Variants in CDH2 observed in about 807,000 individuals in gnomAD.
CDH2 encodes the protein cadherin 2, also known as cadherin-2.
A neutral mutation model predicts 92.0 loss-of-function variants in CDH2; 17 were observed. The ratio of observed to expected loss-of-function variants is 0.18; its 90% CI spans 0.13 to 0.28. The LOEUF (loss-of-function observed/expected upper bound fraction) is 0.28. Among genes scored for constraint, CDH2 ranks in the 10% least tolerant of loss-of-function variants. The pLI is 1.00. For missense variants in CDH2, 862 were observed against 1,133.1 expected, an observed-to-expected ratio of 0.76 and a Z score of 3.44; for synonymous variants, 419 against 415.9, an observed-to-expected ratio of 1.01 and a Z score of -0.09.
chr18:28,054,665 G>A (rs1363127288), intron 2 of CDH2, among the ~76,000 whole-genome samples: 1 of 152,070 alleles, frequency 6.6e-6, no homozygotes, highest in Non-Finnish European at 1.5e-5. Context: ...TCTATGACCT[G>A]GACTGTTTCC....
intron 1 of CDH2, among the ~76,000 whole-genome samples, chr18:28,174,188 C>A (rs1007149516): frequency 4.6e-5 from 7 of 151,924 alleles, no homozygotes; most frequent in African/African-American, 1.7e-4. Context: ...TCCGTATCTG[C>A]ACTAATAACC....
At chr18:27,972,368 G>A (rs995532225) in intron 14 of CDH2, among the ~76,000 whole-genome samples, 1 of 152,174 alleles carries the variant, frequency 6.6e-6, no homozygotes, top group South Asian at 2.1e-4. Context: ...CTACAGACCA[G>A]TGAGACTAAA....
intron 5 of CDH2, among the ~76,000 whole-genome samples, chr18:28,007,193 T>TATATATATATAC (rs778626652): frequency 2.5e-4 from 35 of 142,168 alleles, no homozygotes; most frequent in Middle Eastern, 3.7e-3. Flanking sequence ...TATATATATA[T>TATATATATATAC]ACGAGTATAT....
chr18:28,153,263 T>TC (rs1471513299), intron 1 of CDH2, among the ~76,000 whole-genome samples: 1 of 152,122 alleles, frequency 6.6e-6, no homozygotes, highest in African/African-American at 2.4e-5. Flanking sequence ...ACCATCCTGA[T>TC]CTTTTTTTTT....
intron 2 of CDH2, among the ~76,000 whole-genome samples, chr18:28,066,641 T>C (rs1469767714): frequency 3.9e-5 from 6 of 152,114 alleles, no homozygotes; most frequent in Non-Finnish European, 8.8e-5. Context: ...ACAACTCTAC[T>C]GTTGGAATAA....
At chr18:28,173,367 A>G (rs1057142479) in intron 1 of CDH2, among the ~76,000 whole-genome samples, 1 of 152,102 alleles carries the variant, frequency 6.6e-6, no homozygotes, top group Non-Finnish European at 1.5e-5. Context: ...CTAGTAAGTA[A>G]ACTCTGAACA....
chr18:28,003,516 A>G (rs761613556), intron 6 of CDH2, among the ~76,000 whole-genome samples: 10 of 152,176 alleles, frequency 6.6e-5, no homozygotes, highest in Admixed American at 1.3e-4. Context: ...TACCATTAGA[A>G]AAGTAATTTA....
chr18:28,020,262 G>A (rs1205001494), intron 2 of CDH2, among the ~76,000 whole-genome samples: 1 of 151,948 alleles, frequency 6.6e-6, no homozygotes, highest in South Asian at 2.1e-4. Context: ...GTGGAAAACT[G>A]TTAAGTTACA....
At chr18:28,092,564 A>C (rs1254650838) in intron 2 of CDH2, among the ~76,000 whole-genome samples, 1 of 151,968 alleles carries the variant, frequency 6.6e-6, no homozygotes, top group Non-Finnish European at 1.5e-5. Flanking sequence ...AAACAAAAGG[A>C]TGAAAAGAAT....
At chr18:27,955,761 G>GTTTTTTTTGTTTTT in intron 15 of CDH2, among the ~76,000 whole-genome samples, 1 of 111,714 alleles carries the variant, frequency 9.0e-6, no homozygotes, top group Admixed American at 9.9e-5. Flanking sequence ...CTTTATTTCT[G>GTTTTTTTTGTTTTT]TTTTTTTTTT....
intron 6 of CDH2, among the ~76,000 whole-genome samples, chr18:27,942,550 G>T (rs916045335): frequency 6.6e-6 from 1 of 152,162 alleles, no homozygotes; most frequent in African/African-American, 2.4e-5. Flanking sequence ...TTCTTCTCAA[G>T]GCACTTGAGG....
intron 1 of CDH2, among the ~76,000 whole-genome samples, chr18:28,165,651 C>T (rs1302174211): frequency 2.6e-5 from 4 of 151,304 alleles, no homozygotes; most frequent in Non-Finnish European, 5.9e-5. Flanking sequence ...CAAGTCCACA[C>T]AAAAAACAAG....
intron 2 of CDH2, among the ~76,000 whole-genome samples, chr18:28,022,057 T>C (rs569465660): frequency 1.2e-4 from 18 of 152,184 alleles, no homozygotes; most frequent in African/African-American, 4.3e-4. Flanking sequence ...AGTAAGTGTT[T>C]CACAGTGTTT....
intron 2 of CDH2, among the ~76,000 whole-genome samples, chr18:28,098,507 G>A (rs1470806346): frequency 6.6e-6 from 1 of 151,688 alleles, no homozygotes; most frequent in Non-Finnish European, 1.5e-5. Flanking sequence ...TTTAACATTG[G>A]CTGTTGATTT....
At chr18:27,944,518 C>T (rs980343938) in intron 6 of CDH2, among the ~76,000 whole-genome samples, 1 of 151,956 alleles carries the variant, frequency 6.6e-6, no homozygotes, top group Non-Finnish European at 1.5e-5. Context: ...TAACAGAATA[C>T]CTCAAAGGAT....
intron 2 of CDH2, chr18:28,045,284 G>C (rs1317699969): frequency 1.4e-5 from 5 of 366,598 alleles, no homozygotes; most frequent in Admixed American, 1.1e-4. Flanking sequence ...AACTGAGCTA[G>C]TTTGTCCTTG....
chr18:28,082,874 C>T (rs899656278), intron 2 of CDH2, among the ~76,000 whole-genome samples: 5 of 152,188 alleles, frequency 3.3e-5, no homozygotes, highest in African/African-American at 1.2e-4. Flanking sequence ...TGGTGGAAGG[C>T]TGGATTGTAC....
chr18:27,992,921 T>C, intron 8 of CDH2, 81 bp from the exon 9 acceptor site: 1 of 941,744 alleles, frequency 1.1e-6, no homozygotes, highest in Non-Finnish European at 1.6e-6. Context: ...CACCGTCCGA[T>C]TTTACTGCCC....
intron 2 of CDH2, among the ~76,000 whole-genome samples, chr18:28,029,335 C>G (rs916656589): frequency 1.3e-5 from 2 of 151,998 alleles, no homozygotes; most frequent in African/African-American, 4.8e-5. Flanking sequence ...GTAAAAATGT[C>G]TGACTTTGGG....
Sources: gnomAD v4.1 joint callset for allele counts (sites outside exome capture counted in the v4.1 genomes callset) on GRCh38, gnomAD v4.1.1 for gene constraint, MANE v1.5 for transcripts, NCBI Gene and HGNC (gene_info 2026-07-23, HGNC 2026-07-21) for gene names.